The following AP1S3 variants were observed in gnomAD, a reference collection of about 807,000 sequenced individuals.
The protein encoded by AP1S3 is AP-1 complex subunit sigma-3.
A neutral mutation model predicts 20.9 loss-of-function variants in AP1S3; 10 were observed. The observed-to-expected ratio is 0.48, with a 90% CI of 0.29 to 0.81. The LOEUF is 0.81. Ranked by LOEUF, AP1S3 falls within the 30% of genes least tolerant of loss-of-function variation. The pLI is 0.08. For synonymous variants in AP1S3, 41 were observed against 61.5 expected, an observed-to-expected ratio of 0.67 and a Z score of 1.56; for missense variants, 154 against 183.8, an observed-to-expected ratio of 0.84 and a Z score of 0.94.
At chr2:223,773,187 A>C in intron 3 of AP1S3, 1 of 959,638 alleles carries the variant, frequency 1.0e-6, no homozygotes, top group Non-Finnish European at 1.4e-6. Flanking sequence ...ATTTGGTCAG[A>C]TAGATTGAGA....
At chr2:223,831,550 G>A (rs7558186) in intron 1 of AP1S3, among the ~76,000 whole-genome samples, 11 of 152,048 alleles carry the variant, frequency 7.2e-5, no homozygotes, top group Non-Finnish European at 1.3e-4. Context: ...TAGATTATGG[G>A]GGAGCTTCAA....
chr2:223,778,244 GC>G (rs1423655221), intron 1 of AP1S3, among the ~76,000 whole-genome samples: 5 of 151,884 alleles, frequency 3.3e-5, no homozygotes, highest in Non-Finnish European at 4.4e-5. Flanking sequence ...TCCTGCAACA[GC>G]CTCCCAAGTA....
Position 223,806,428 on chromosome 2 carries a change from C to T in AP1S3, c.4-28559G>A, listed in dbSNP as rs984915806. 3.3e-5 allele frequency among the ~76,000 whole-genome samples: 5 copies of T among 151,780 alleles called. No homozygotes were observed. In the South Asian group the frequency reaches 6.2e-4, roughly 19 times the overall value. ...CCTCTCGAGTAGGTGGGACTACAGG[C>T]GCTCGCCACCACGCCCGGCTAATTT... On this transcript the variant is annotated intron_variant, in intron 1 of 4. Coordinates refer to ENST00000396654, the MANE Select transcript of AP1S3 (RefSeq NM_001039569.2).
At chr2:223,807,520 G>A (rs1044692634) in intron 1 of AP1S3, among the ~76,000 whole-genome samples, 3 of 152,178 alleles carry the variant, frequency 2.0e-5, no homozygotes, top group African/African-American at 7.2e-5. Flanking sequence ...CAAATCTCAT[G>A]TTCAACTGAA....
intron 3 of AP1S3, among the ~76,000 whole-genome samples, chr2:223,772,032 GGGAGGC>G (rs1230674104): frequency 1.8e-4 from 28 of 152,160 alleles, no homozygotes; most frequent in African/African-American, 6.8e-4. Context: ...GCTTGAACCC[GGGAGGC>G]GGAAGGTGCA....
intron 3 of AP1S3, among the ~76,000 whole-genome samples, chr2:223,767,572 A>T (rs1166395194): frequency 6.6e-6 from 1 of 151,630 alleles, no homozygotes. Flanking sequence ...CTCCTGGACA[A>T]TCTTGCTGAC....
At chr2:223,788,329 T>C (rs888144628) in intron 1 of AP1S3, among the ~76,000 whole-genome samples, 1 of 150,844 alleles carries the variant, frequency 6.6e-6, no homozygotes, top group Non-Finnish European at 1.5e-5. Context: ...GAAGAGATAT[T>C]TGGCCGGGCG....
chr2:223,837,443 C>T lies in AP1S3; in HGVS notation c.3+5G>A, dbSNP rs1692432513. 2.4e-6 allele frequency: 3 copies of T among 1,273,128 alleles called. No homozygotes were observed. The highest frequency in any genetic ancestry group is 3.0e-6 in the Non-Finnish European group (3 of 1,006,526). 78.9% of individuals were successfully genotyped at this position (1,273,128 alleles called of 1,614,324 possible). ...TACCCGGGCCGGCGGTTCCCCCGCA[C>T]TCACCATCGTGGCTGGGCCGCCGCC... On this transcript the variant is annotated splice_donor_5th_base_variant and intron_variant, in intron 1 of 4. Coordinates refer to ENST00000396654, the MANE Select transcript of AP1S3 (RefSeq NM_001039569.2).
At chr2:223,834,675 G>A in intron 1 of AP1S3, among the ~76,000 whole-genome samples, 1 of 151,800 alleles carries the variant, frequency 6.6e-6, no homozygotes, top group South Asian at 2.1e-4. Flanking sequence ...GAGGGTTGCT[G>A]GAGCCTAGGA....
chr2:223,806,618 T>C (rs1008168782), intron 1 of AP1S3, among the ~76,000 whole-genome samples: 1 of 152,184 alleles, frequency 6.6e-6, no homozygotes, highest in Non-Finnish European at 1.5e-5. Flanking sequence ...TTTAGCTGTA[T>C]ATGACATAAT....
intron 1 of AP1S3, among the ~76,000 whole-genome samples, chr2:223,810,073 G>A (rs556835851): frequency 6.6e-6 from 1 of 152,104 alleles, no homozygotes; most frequent in African/African-American, 2.4e-5. Flanking sequence ...TACAATATGA[G>A]CTCCATGGGG....
At chr2:223,786,549 T>G (rs1255192944) in intron 1 of AP1S3, among the ~76,000 whole-genome samples, 1 of 151,646 alleles carries the variant, frequency 6.6e-6, no homozygotes, top group Non-Finnish European at 1.5e-5. Flanking sequence ...AGGCCAGGAA[T>G]TCAAGACTAG....
chr2:223,773,035 G>A (rs1368561841), intron 3 of AP1S3, among the ~76,000 whole-genome samples: 1 of 152,152 alleles, frequency 6.6e-6, no homozygotes, highest in African/African-American at 2.4e-5. Flanking sequence ...GCTTCCAAAG[G>A]TATACCAAAA....
chr2:223,822,889 G>A (rs1692024421), intron 1 of AP1S3, among the ~76,000 whole-genome samples: 2 of 150,132 alleles, frequency 1.3e-5, no homozygotes, highest in African/African-American at 5.0e-5. Context: ...CAACTCAATA[G>A]CAAAAAAACA....
Position 223,756,710 on chromosome 2 carries a change from A to T in AP1S3, c.*2005T>A, listed in dbSNP as rs138901027. ...CAATGGTTATATTGAGGAATTGGTG[A>T]ATTTTTCCCTTTGTTCTCCTGCTTG... is the stretch of plus-strand genomic sequence containing the variant. On this transcript the variant is annotated 3_prime_UTR_variant, in exon 5 of 5. Coordinates refer to ENST00000396654, the MANE Select transcript of AP1S3 (RefSeq NM_001039569.2). 1 of 985,278 alleles carries T rather than the reference A, an allele frequency of 1.0e-6. No individual in the cohort carries two copies. The highest frequency in any genetic ancestry group is 6.2e-5 in the Admixed American group (1 of 16,246). 61.0% of individuals were successfully genotyped at this position (985,278 alleles called of 1,614,324 possible). A position where few individuals can be genotyped will look rare whatever the true frequency, so the allele number is the denominator to read the frequency against.
intron 2 of AP1S3, 94 bp downstream of exon 2, chr2:223,777,597 A>T: frequency 8.9e-7 from 1 of 1,122,638 alleles, no homozygotes; most frequent in Non-Finnish European, 1.2e-6. Flanking sequence ...AGATTTCAGT[A>T]AATGATGGAA....
rs565489013 is a variant in AP1S3 at position 223,775,086 on chromosome 2, T to G, written c.291+815A>C. 2.0e-5 allele frequency among the ~76,000 whole-genome samples: 3 copies of G among 151,570 alleles called. No homozygotes were observed. In the South Asian group the frequency reaches 6.3e-4, roughly 32 times the overall value. The stretch of plus-strand genomic sequence containing the variant: ...AGCGTCATGGTGAGCAAGGGTCCAG[T>G]GCTGCAGCGAGAAGCAGGTGAAAGC... On this transcript the variant is annotated intron_variant, in intron 3 of 4. Coordinates refer to ENST00000396654, the MANE Select transcript of AP1S3 (RefSeq NM_001039569.2).
At chr2:223,784,459 T>C (rs1306850688) in intron 1 of AP1S3, among the ~76,000 whole-genome samples, 1 of 152,068 alleles carries the variant, frequency 6.6e-6, no homozygotes, top group Admixed American at 6.6e-5. Flanking sequence ...ACAACACTTC[T>C]CATGTGCTGG....
At chr2:223,774,810 C>A (rs948049427) in intron 3 of AP1S3, among the ~76,000 whole-genome samples, 1 of 152,166 alleles carries the variant, frequency 6.6e-6, no homozygotes, top group Non-Finnish European at 1.5e-5. Flanking sequence ...ATTCCAATCA[C>A]AAGACAGAAC....
Sources: gnomAD v4.1 joint callset for allele counts (sites outside exome capture counted in the v4.1 genomes callset) on GRCh38, gnomAD v4.1.1 for gene constraint, MANE v1.5 for transcripts, NCBI Gene and HGNC (gene_info 2026-07-23, HGNC 2026-07-21) for gene names.